CSMD3: variants seen among roughly 807,000 people sequenced by gnomAD.
The protein encoded by CSMD3 is CUB and Sushi multiple domains 3, also known as CUB and sushi domain-containing protein 3.
A neutral mutation model predicts 435.2 loss-of-function variants in CSMD3; 177 were observed. The ratio of observed to expected loss-of-function variants is 0.41; its 90% CI spans 0.36 to 0.46. The LOEUF (loss-of-function observed/expected upper bound fraction) is 0.46, where lower values mean the gene tolerates loss of function less well. Ranked by LOEUF, CSMD3 falls within the 20% of genes least tolerant of loss-of-function variation. The pLI, the probability that CSMD3 is intolerant of heterozygous loss-of-function variation, is 0.34. For missense variants in CSMD3, 4,265 were observed against 4,504.6 expected (o/e 0.95, Z 1.52); for synonymous variants, 1,656 against 1,520.5 (o/e 1.09, Z -2.07).
intron 1 of CSMD3, among the ~76,000 whole-genome samples, chr8:113,388,094 C>A (rs890905008): frequency 4.0e-5 from 6 of 151,604 alleles, no homozygotes; most frequent in Admixed American, 3.3e-4. Flanking sequence ...TTAATTTATT[C>A]ATTCCACCAG....
intron 45 of CSMD3, among the ~76,000 whole-genome samples, chr8:112,320,718 C>T (rs544263483): frequency 6.8e-6 from 1 of 147,956 alleles, no homozygotes; most frequent in Non-Finnish European, 1.5e-5. Flanking sequence ...TTGTTCAATT[C>T]CCACCTATGA....
Position 112,957,246 on chromosome 8 carries a change from T to A in CSMD3, c.1343-2485A>T, listed in dbSNP as rs537655746. Among the ~76,000 whole-genome samples, 537 of 152,280 alleles carry A rather than the reference T, an allele frequency of 3.5e-3. 1 individual carries two copies. Among genetic ancestry groups the A allele is most frequent in the Non-Finnish European group, 5.7e-3 (388 of 68,020 alleles). ...AATGAGTGCTTCTAATGACCATATT[T>A]AACTTAGAAAATTAACCTGATTTTT... On this transcript the variant is annotated intron_variant, in intron 7 of 70. Coordinates refer to ENST00000297405, the MANE Select transcript of CSMD3 (RefSeq NM_198123.2).
intron 5 of CSMD3, among the ~76,000 whole-genome samples, chr8:113,062,654 C>A (rs1440986218): frequency 1.3e-5 from 2 of 151,840 alleles, no homozygotes; most frequent in Non-Finnish European, 3.0e-5. Flanking sequence ...GTCAAATGAA[C>A]CATATCATTA....
At chr8:112,566,646 T>C (rs185609502) in intron 24 of CSMD3, among the ~76,000 whole-genome samples, 122 of 152,200 alleles carry the variant, frequency 8.0e-4, no homozygotes, top group Non-Finnish European at 1.5e-3. Flanking sequence ...GCTGGACACT[T>C]ACATGGGTGA....
At chr8:112,326,277 T>C (rs998931990) in intron 45 of CSMD3, among the ~76,000 whole-genome samples, 1 of 152,114 alleles carries the variant, frequency 6.6e-6, no homozygotes, top group African/African-American at 2.4e-5. Flanking sequence ...GATGTTTCTA[T>C]CAAACCAATC....
chr8:112,873,004 C>G (rs1351684986), intron 10 of CSMD3, among the ~76,000 whole-genome samples: 1 of 151,932 alleles, frequency 6.6e-6, no homozygotes, highest in Non-Finnish European at 1.5e-5. Context: ...ACAACAAATT[C>G]TACAAAAGAT....
chr8:112,879,851 A>T (rs1362704497), intron 10 of CSMD3, among the ~76,000 whole-genome samples: 5 of 152,030 alleles, frequency 3.3e-5, no homozygotes, highest in African/African-American at 1.2e-4. Flanking sequence ...GTTCTCACTT[A>T]TAAGTGAGAG....
chr8:113,282,254 G>A (rs911039063), intron 2 of CSMD3, among the ~76,000 whole-genome samples: 12 of 151,896 alleles, frequency 7.9e-5, no homozygotes, highest in African/African-American at 2.7e-4. Context: ...AGAAACAAAG[G>A]ACATTCAAAT....
Position 112,638,698 on chromosome 8 carries a change from G to T in CSMD3, c.3524C>A (p.Ser1175Tyr). Residue 1175 changes from serine to tyrosine, a missense_variant and splice_region_variant, in exon 21 of 71, where the codon TCT (serine) becomes TAT (tyrosine). This residue lies in a region of CSMD3 where 3,255 missense variants were observed against 3,380.2 expected (regional missense o/e 0.96). Coordinates refer to ENST00000297405, the MANE Select transcript of CSMD3 (RefSeq NM_198123.2). ...ISYEGFNITF[S>Y]EYNLEPCEDP... The stretch of plus-strand genomic sequence containing the variant: ...CCTTTTGTTTTTTATTTTCTCACCA[G>T]AGAATGTTATGTTAAATCCTTCATA... 6.4e-7 allele frequency: 1 copy of T among 1,565,006 alleles called. No homozygotes were observed. The highest frequency in any genetic ancestry group is 1.1e-5 in the South Asian group (1 of 90,048).
At chr8:112,263,837 G>C (rs2130387559) in intron 60 of CSMD3, 25 bp from the exon 61 acceptor site, 1 of 1,595,738 alleles carries the variant, frequency 6.3e-7, no homozygotes, top group Non-Finnish European at 8.6e-7. Flanking sequence ...AAAGTGATTA[G>C]ACACAGCTGT....
chr8:112,879,418 G>A (rs1251916297), intron 10 of CSMD3, among the ~76,000 whole-genome samples: 1 of 152,062 alleles, frequency 6.6e-6, no homozygotes, highest in African/African-American at 2.4e-5. Flanking sequence ...ATGACTATGT[G>A]TGCCCAGTGG....
intron 17 of CSMD3, among the ~76,000 whole-genome samples, chr8:112,660,375 TA>T: frequency 6.6e-6 from 1 of 152,300 alleles, no homozygotes; most frequent in African/African-American, 2.4e-5. Context: ...CACTTATTTT[TA>T]AAATTGAAAT....
intron 32 of CSMD3, among the ~76,000 whole-genome samples, chr8:112,417,016 A>G (rs1047136141): frequency 2.0e-5 from 3 of 152,196 alleles, no homozygotes; most frequent in Non-Finnish European, 4.4e-5. Flanking sequence ...TCTAGTAGTC[A>G]GAAGGATAGT....
At chr8:112,228,581 T>G (rs1458597934) in intron 70 of CSMD3, among the ~76,000 whole-genome samples, 175 bp downstream of exon 70, 1 of 152,212 alleles carries the variant, frequency 6.6e-6, no homozygotes, top group East Asian at 1.9e-4. Context: ...TTGTATGTAA[T>G]GTTGCAGGGG....
Position 112,752,490 on chromosome 8 carries a change from T to C in CSMD3, c.1972+47672A>G, listed in dbSNP as rs566501888. 2.6e-5 allele frequency among the ~76,000 whole-genome samples: 4 copies of C among 152,246 alleles called. No homozygotes were observed. In the East Asian group the frequency reaches 5.8e-4, roughly 22 times the overall value. ...AAAGAAAAAGCTAAAGTTTAGCTAATAGAAAATCTGGATGTGAATCAGGGA... is the reference window on the plus strand; with the variant it reads ...AAAGAAAAAGCTAAAGTTTAGCTAACAGAAAATCTGGATGTGAATCAGGGA... On this transcript the variant is annotated intron_variant, in intron 13 of 70. Transcript: ENST00000297405.
intron 3 of CSMD3, among the ~76,000 whole-genome samples, chr8:113,201,111 G>T (rs948194717): frequency 3.3e-5 from 5 of 151,832 alleles, no homozygotes; most frequent in African/African-American, 1.2e-4. Context: ...AGATCTCATT[G>T]CATAGGTTTA....
chr8:112,273,955 T>C (rs1213001367), intron 59 of CSMD3, among the ~76,000 whole-genome samples: 1 of 149,032 alleles, frequency 6.7e-6, no homozygotes, highest in Non-Finnish European at 1.5e-5. Context: ...AAAAAAGCTA[T>C]ACAGTATGGA....
chr8:112,983,468 A>G (rs1205988299), intron 6 of CSMD3, among the ~76,000 whole-genome samples: 1 of 151,216 alleles, frequency 6.6e-6, no homozygotes, highest in Non-Finnish European at 1.5e-5. Context: ...GTGTACCTCA[A>G]TGGTGTTAAA....
chr8:112,571,695 A>G (rs1586708162), intron 24 of CSMD3, among the ~76,000 whole-genome samples: 2 of 151,484 alleles, frequency 1.3e-5, no homozygotes, highest in African/African-American at 2.4e-5. Flanking sequence ...ATGGTGAAAC[A>G]CCATCTCTAC....
Sources: gnomAD v4.1 joint callset for allele counts (sites outside exome capture counted in the v4.1 genomes callset) on GRCh38, gnomAD v4.1.1 for gene constraint, gnomAD v4.1.1 regional missense constraint, MANE v1.5 for transcripts, NCBI Gene and HGNC (gene_info 2026-07-23, HGNC 2026-07-21) for gene names.